Variants in TMEM116 observed in about 807,000 individuals in gnomAD.
The protein encoded by TMEM116 is transmembrane protein 116.
Under a neutral mutation model 44.3 loss-of-function variants are expected in TMEM116, and 38 were observed. The observed-to-expected ratio is 0.86, with a 90% CI of 0.66 to 1.12. The LOEUF is 1.12. TMEM116 is among the 50% of genes most tolerant of loss of function. The pLI, the probability that TMEM116 is intolerant of heterozygous loss-of-function variation, is 0.00. For missense variants in TMEM116, 354 were observed against 401.7 expected (o/e 0.88, Z 1.01); for synonymous variants, 132 against 144.8 (o/e 0.91, Z 0.64).
intron 4 of TMEM116, among the ~76,000 whole-genome samples, chr12:111,970,403 A>G (rs750968444): frequency 6.6e-6 from 1 of 152,156 alleles, no homozygotes; most frequent in African/African-American, 2.4e-5. Flanking sequence ...GGGTAATAAA[A>G]GGCCTGAAAG....
intron 4 of TMEM116, among the ~76,000 whole-genome samples, chr12:111,976,423 T>A (rs1565927680): frequency 6.6e-6 from 1 of 152,056 alleles, no homozygotes; most frequent in Non-Finnish European, 1.5e-5. Flanking sequence ...GAGGTTGCAG[T>A]GAGCCGAGAT....
At chr12:111,959,543 C>A (rs1027760364) in intron 4 of TMEM116, among the ~76,000 whole-genome samples, 1 of 152,208 alleles carries the variant, frequency 6.6e-6, no homozygotes, top group African/African-American at 2.4e-5. Flanking sequence ...TTAAAAGACA[C>A]AGACCGGCAA....
At chr12:111,940,731 T>C (rs1248706366) in intron 5 of TMEM116, among the ~76,000 whole-genome samples, 1 of 151,938 alleles carries the variant, frequency 6.6e-6, no homozygotes, top group Admixed American at 6.6e-5. Flanking sequence ...CTTTCAAATA[T>C]TTTTTTGTTC....
At chr12:111,990,410 C>G (rs1364035935) in intron 4 of TMEM116, among the ~76,000 whole-genome samples, 2 of 152,128 alleles carry the variant, frequency 1.3e-5, no homozygotes, top group Non-Finnish European at 2.9e-5. Flanking sequence ...CTAATACAGA[C>G]TTTTCTGATC....
chr12:111,964,446 A>C (rs912168339), intron 4 of TMEM116, among the ~76,000 whole-genome samples: 1 of 152,000 alleles, frequency 6.6e-6, no homozygotes, highest in Non-Finnish European at 1.5e-5. Context: ...ATCTCAAAAA[A>C]AAAAAAAAAA....
chr12:111,959,208 A>G (rs2074390384), intron 4 of TMEM116, among the ~76,000 whole-genome samples: 2 of 152,216 alleles, frequency 1.3e-5, no homozygotes, highest in African/African-American at 4.8e-5. Flanking sequence ...ATTCTTAAAG[A>G]AAAGAATTTT....
chr12:111,969,702 C>A (rs1025501755), intron 4 of TMEM116, among the ~76,000 whole-genome samples: 1 of 152,124 alleles, frequency 6.6e-6, no homozygotes, highest in Non-Finnish European at 1.5e-5. Flanking sequence ...CTCAGCCTCC[C>A]GAGTAGCTGG....
chr12:111,956,819 A>T (rs1024361996), intron 4 of TMEM116, among the ~76,000 whole-genome samples: 1 of 152,078 alleles, frequency 6.6e-6, no homozygotes, highest in Non-Finnish European at 1.5e-5. Flanking sequence ...TCAGTGCTCA[A>T]TGTTGCCCAG....
At chr12:112,002,621 T>C (rs952387121) in intron 3 of TMEM116, among the ~76,000 whole-genome samples, 5 of 152,068 alleles carry the variant, frequency 3.3e-5, no homozygotes, top group African/African-American at 1.2e-4. Flanking sequence ...TTCTATTTAC[T>C]GTGTAACTTG....
intron 4 of TMEM116, among the ~76,000 whole-genome samples, chr12:111,945,493 A>G (rs1379847634): frequency 6.6e-6 from 1 of 152,062 alleles, no homozygotes; most frequent in East Asian, 1.9e-4. Context: ...CCCTTCTTGA[A>G]GTTTTCAGGT....
intron 5 of TMEM116, among the ~76,000 whole-genome samples, chr12:111,940,529 A>ATATATATATATACACACATATATGTGTG (rs1555207434): frequency 8.4e-6 from 1 of 119,156 alleles, no homozygotes; most frequent in African/African-American, 4.2e-5. Context: ...ATGTGTATAT[A>ATATATATATATACACACATATATGTGTG]TATATATATA....
intron 4 of TMEM116, among the ~76,000 whole-genome samples, chr12:111,953,942 T>C (rs940851619): frequency 6.6e-6 from 1 of 152,190 alleles, no homozygotes; most frequent in Non-Finnish European, 1.5e-5. Flanking sequence ...AGCTCAAGAT[T>C]ATCATAGAAA....
At chr12:111,955,426 T>C (rs572032649) in intron 4 of TMEM116, among the ~76,000 whole-genome samples, 1 of 152,348 alleles carries the variant, frequency 6.6e-6, no homozygotes, top group South Asian at 2.1e-4. Context: ...CCAAAAATTC[T>C]ACAGGACAAT....
At chr12:112,002,557 T>A (rs1593663541) in intron 3 of TMEM116, among the ~76,000 whole-genome samples, 1 of 141,072 alleles carries the variant, frequency 7.1e-6, no homozygotes, top group Non-Finnish European at 1.5e-5. Context: ...ACAGTGAGAC[T>A]CCATCTCAAA....
At position 111,931,640 on chromosome 12, in the gene TMEM116, C is replaced by T. The variant is rs559301794; in HGVS notation, c.995G>A (p.Ser332Asn). ...SLESTLTFPA[S>N]TSTIF Reference sequence around the variant, plus strand: ...GTAGTTTCAAAAAATGGTAGAAGTACTGGCAGGAAAAGTCAGGGTGGATTC... The same window carrying T: ...GTAGTTTCAAAAAATGGTAGAAGTATTGGCAGGAAAAGTCAGGGTGGATTC... The change falls in exon 11 of 11, where the codon AGT (serine) becomes AAT (asparagine). Residue 332 changes from serine to asparagine, a missense_variant. Physicochemically the swap from Ser to Asn is conservative, Grantham distance 46 (BLOSUM62 1). Coordinates refer to ENST00000552374, the MANE Select transcript of TMEM116 (RefSeq NM_001193531.2). 4.9e-5 allele frequency: 79 copies of T among 1,614,168 alleles called. 1 individual carries two copies. The South Asian group carries it at 8.7e-4, about 18-fold the overall frequency.
chr12:111,958,680 C>G (rs1193606765), intron 4 of TMEM116, among the ~76,000 whole-genome samples: 1 of 152,020 alleles, frequency 6.6e-6, no homozygotes, highest in Non-Finnish European at 1.5e-5. Flanking sequence ...AAAAACACAG[C>G]ACAAGAACTT....
At chr12:111,952,027 G>A (rs1303958011) in intron 4 of TMEM116, among the ~76,000 whole-genome samples, 3 of 152,012 alleles carry the variant, frequency 2.0e-5, no homozygotes, top group Non-Finnish European at 4.4e-5. Context: ...TCAGGAGATC[G>A]AGACCATGTT....
chr12:111,978,830 G>T, intron 4 of TMEM116: 1 of 412,386 alleles, frequency 2.4e-6, no homozygotes, highest in Non-Finnish European at 4.9e-6. Context: ...CACATTGTAT[G>T]GTAATTTGTT....
At chr12:111,960,527 C>G (rs2074506152) in intron 4 of TMEM116, among the ~76,000 whole-genome samples, 1 of 144,102 alleles carries the variant, frequency 6.9e-6, no homozygotes, top group South Asian at 2.3e-4. Context: ...AAGAAACTCA[C>G]TCAAACCACA....
Sources: allele counts gnomAD v4.1 joint callset (sites outside exome capture counted in the v4.1 genomes callset), GRCh38; gene constraint gnomAD v4.1.1; transcripts MANE v1.5; gene names NCBI Gene and HGNC (gene_info 2026-07-23, HGNC 2026-07-21).